TSHZ2: variants seen among roughly 807,000 people sequenced by gnomAD.
TSHZ2 encodes the protein teashirt homolog 2.
A neutral mutation model predicts 74.4 loss-of-function variants in TSHZ2; 21 were observed. The observed-to-expected ratio is 0.28, with a 90% CI of 0.20 to 0.41. The LOEUF is 0.41. TSHZ2 is among the 10% of genes least tolerant of loss of function. The probability of loss-of-function intolerance (pLI) is 1.00; values close to 1 mark genes in which losing one functional copy is unlikely to be tolerated. For missense variants in TSHZ2, 1,244 were observed against 1,293.5 expected (o/e 0.96, Z 0.59); for synonymous variants, 540 against 515.3 (o/e 1.05, Z -0.65).
intron 1 of TSHZ2, among the ~76,000 whole-genome samples, chr20:53,078,519 C>A (rs1028805644): frequency 3.3e-5 from 5 of 152,110 alleles, no homozygotes; most frequent in Non-Finnish European, 7.4e-5. Context: ...TCGATGTGGT[C>A]TTTGAGCATG....
chr20:53,216,288 A>G (rs1247722629), intron 1 of TSHZ2, among the ~76,000 whole-genome samples: 1 of 152,204 alleles, frequency 6.6e-6, no homozygotes, highest in East Asian at 1.9e-4. Context: ...TTCACCAGCC[A>G]AGCCATTGTT....
intron 1 of TSHZ2, among the ~76,000 whole-genome samples, chr20:52,981,949 G>C (rs1385684826): frequency 6.6e-6 from 1 of 152,142 alleles, no homozygotes; most frequent in Non-Finnish European, 1.5e-5. Flanking sequence ...TGATCCCTGG[G>C]GATCTTGCCC....
chr20:53,471,840 C>G (rs1317078147), intron 2 of TSHZ2, among the ~76,000 whole-genome samples: 5 of 117,940 alleles, frequency 4.2e-5, no homozygotes, highest in Non-Finnish European at 5.0e-5. Flanking sequence ...GAGTTTCACT[C>G]TTGTTGCCCA....
At chr20:53,128,215 C>G (rs1468359263) in intron 1 of TSHZ2, among the ~76,000 whole-genome samples, 2 of 152,150 alleles carry the variant, frequency 1.3e-5, no homozygotes, top group African/African-American at 4.8e-5. Context: ...ACAAATTCTT[C>G]CACTGAAGAG....
intron 2 of TSHZ2, among the ~76,000 whole-genome samples, chr20:53,455,895 A>AT: frequency 6.6e-6 from 1 of 151,892 alleles, no homozygotes; most frequent in African/African-American, 2.4e-5. Context: ...TGAACTCATC[A>AT]TTTTTTACGG....
At chr20:53,415,119 C>G (rs1383207151) in intron 2 of TSHZ2, among the ~76,000 whole-genome samples, 1 of 152,130 alleles carries the variant, frequency 6.6e-6, no homozygotes. Context: ...AAGAAGACAA[C>G]ACCTAGAAAA....
rs114783304 is a variant in TSHZ2 at position 53,341,236 on chromosome 20, C to T, written c.*8+84665C>T. On this transcript the variant is annotated intron_variant, in intron 2 of 2. Coordinates refer to ENST00000371497, the MANE Select transcript of TSHZ2 (RefSeq NM_173485.6). ...ACTCACAGCTTCCCTTATCCACCTC[C>T]GATCGCCAGCCTTCCAGAGCATTTG... is the stretch of plus-strand genomic sequence containing the variant. 5.1e-3 allele frequency among the ~76,000 whole-genome samples: 780 copies of T among 152,226 alleles called. 10 individuals are homozygous for T. Among genetic ancestry groups the T allele is most frequent in the African/African-American group, 0.018 (748 of 41,516 alleles).
intron 1 of TSHZ2, among the ~76,000 whole-genome samples, chr20:53,139,444 G>A (rs1432277401): frequency 6.6e-6 from 1 of 152,186 alleles, no homozygotes; most frequent in Non-Finnish European, 1.5e-5. Context: ...TTCAAAGCAA[G>A]CCCTTTCTTT....
At chr20:53,133,277 C>A (rs1987156158) in intron 1 of TSHZ2, among the ~76,000 whole-genome samples, 1 of 152,206 alleles carries the variant, frequency 6.6e-6, no homozygotes, top group Non-Finnish European at 1.5e-5. Context: ...GAGCTCTGAG[C>A]TGCCTGTTCC....
chr20:53,405,501 A>T (rs1457393107), intron 2 of TSHZ2, among the ~76,000 whole-genome samples: 1 of 152,218 alleles, frequency 6.6e-6, no homozygotes, highest in African/African-American at 2.4e-5. Context: ...TTCATTTGGC[A>T]AATATTTATT....
At chr20:52,978,288 G>C (rs557161108) in intron 1 of TSHZ2, among the ~76,000 whole-genome samples, 3 of 152,224 alleles carry the variant, frequency 2.0e-5, no homozygotes, top group Admixed American at 2.0e-4. Context: ...ATGCCTCACT[G>C]TTCATCACTG....
At chr20:53,187,008 C>T (rs1988615462) in intron 1 of TSHZ2, among the ~76,000 whole-genome samples, 1 of 152,026 alleles carries the variant, frequency 6.6e-6, no homozygotes, top group Non-Finnish European at 1.5e-5. Context: ...GTTCGAGGAG[C>T]CCCTTTCTTT....
chr20:53,148,576 C>T (rs551234711), intron 1 of TSHZ2, among the ~76,000 whole-genome samples: 1 of 152,022 alleles, frequency 6.6e-6, no homozygotes, highest in South Asian at 2.1e-4. Flanking sequence ...ATCAGGACCC[C>T]AAGTGGATCT....
intron 1 of TSHZ2, among the ~76,000 whole-genome samples, chr20:52,991,044 C>A (rs753801474): frequency 1.2e-4 from 18 of 152,264 alleles, no homozygotes; most frequent in African/African-American, 4.1e-4. Context: ...TGTGATTGAA[C>A]ATGTGTGATG....
chr20:53,214,350 C>T lies in TSHZ2; in HGVS notation c.41-39149C>T, dbSNP rs185188755. 1.4e-3 allele frequency among the ~76,000 whole-genome samples: 219 copies of T among 152,144 alleles called. 3 individuals are homozygous for T. Among genetic ancestry groups the T allele is most frequent in the Non-Finnish European group, 1.5e-3 (105 of 68,018 alleles). On this transcript the variant is annotated intron_variant, in intron 1 of 2. Coordinates refer to ENST00000371497, the MANE Select transcript of TSHZ2 (RefSeq NM_173485.6). The stretch of plus-strand genomic sequence containing the variant: ...AAATGCTGTGCAAGAAAAATGAAGC[C>T]GAGCAAGGGCTTAGTTGGAGGTGGA...
At chr20:53,015,203 T>C (rs1023382861) in intron 1 of TSHZ2, among the ~76,000 whole-genome samples, 2 of 152,240 alleles carry the variant, frequency 1.3e-5, no homozygotes, top group African/African-American at 2.4e-5. Context: ...TTTGCTGAAC[T>C]GATCTCTTCT....
chr20:53,195,399 A>C (rs1341669680), intron 1 of TSHZ2, among the ~76,000 whole-genome samples: 1 of 152,172 alleles, frequency 6.6e-6, no homozygotes, highest in South Asian at 2.1e-4. Flanking sequence ...GCTGATGAAA[A>C]CAACTATATT....
chr20:53,301,484 T>C (rs535975194), intron 2 of TSHZ2, among the ~76,000 whole-genome samples: 3 of 152,156 alleles, frequency 2.0e-5, no homozygotes, highest in Non-Finnish European at 4.4e-5. Context: ...GCCAGGGAAA[T>C]TAAACAGTTG....
At chr20:53,014,318 C>T (rs1286054871) in intron 1 of TSHZ2, among the ~76,000 whole-genome samples, 2 of 152,116 alleles carry the variant, frequency 1.3e-5, no homozygotes, top group Admixed American at 1.3e-4. Context: ...CTTCAGGGCC[C>T]CTCATCCTAA....
Sources: gnomAD v4.1 joint callset for allele counts (sites outside exome capture counted in the v4.1 genomes callset) on GRCh38, gnomAD v4.1.1 for gene constraint, MANE v1.5 for transcripts, NCBI Gene and HGNC (gene_info 2026-07-23, HGNC 2026-07-21) for gene names.